KCTD5: variants seen among roughly 807,000 people sequenced by gnomAD.
KCTD5 encodes BTB/POZ domain-containing protein KCTD5.
In KCTD5, 12 loss-of-function variants were observed where a neutral mutation model predicts 27.9. That is an observed-to-expected ratio of 0.43 (90% confidence interval 0.28 to 0.70). KCTD5 has a LOEUF of 0.70. KCTD5 is among the 30% of genes least tolerant of loss of function. The pLI is 0.19. For synonymous variants in KCTD5, 147 were observed against 121.4 expected (o/e 1.21, Z -1.39); for missense variants, 226 against 274.8 (o/e 0.82, Z 1.26).
rs1364657313 is a variant in KCTD5, at chr16:2,682,782, C to T, written c.234C>T (p.Pro78=). The change falls in exon 1 of 6, where the codon CCC becomes CCT. Residue 78 remains proline, a synonymous_variant. Coordinates refer to ENST00000301738, the MANE Select transcript of KCTD5 (RefSeq NM_018992.4). ...TGTACCGCTTATGCCAGGCCGATCC[C>T]GACCTGGACTCAGACAAGGTGAGGG... ...SFLYRLCQAD[P]DLDSDKDETG... is the part of the protein sequence containing the mutation. The T allele has an allele frequency of 4.4e-6, 7 of 1,599,256 alleles. No homozygotes were observed. Among genetic ancestry groups the T allele is most frequent in the Non-Finnish European group, 6.0e-6 (7 of 1,174,114 alleles).
In KCTD5 at chr16:2,700,858, G is replaced by A. The variant is rs539644708; in HGVS notation, c.549+942G>A. On this transcript the variant is annotated intron_variant, in intron 4 of 5. Coordinates refer to ENST00000301738, the MANE Select transcript of KCTD5 (RefSeq NM_018992.4). ...CATTTGTGTCCCACCGTCCACCCTG[G>A]ACCCCTAGGCCGGGGGCCGGGGTGA... Among the ~76,000 whole-genome samples the A allele has an allele frequency of 1.8e-3, 269 of 151,814 alleles. 1 individual carries two copies. Among genetic ancestry groups the A allele is most frequent in the Middle Eastern group, 3.4e-3 (1 of 294 alleles).
chr16:2,705,269 G>A (rs1002034373), intron 5 of KCTD5, among the ~76,000 whole-genome samples: 13 of 152,154 alleles, frequency 8.5e-5, no homozygotes, highest in African/African-American at 3.1e-4. Context: ...GTCTGTCCCT[G>A]CCTGTAGTTG....
At chr16:2,697,195 A>T (rs575567272) in intron 2 of KCTD5, 14 of 152,524 alleles carry the variant, frequency 9.2e-5, no homozygotes, top group African/African-American at 3.4e-4. Flanking sequence ...TGTTGTCCTG[A>T]GCTGCCATGT....
intron 1 of KCTD5, among the ~76,000 whole-genome samples, chr16:2,686,836 C>T (rs1251565959): frequency 7.3e-5 from 11 of 151,034 alleles, no homozygotes; most frequent in Admixed American, 2.0e-4. Context: ...GCTAGAGTAC[C>T]GTCTTTGAAG....
rs2067644229 is a variant in KCTD5 at position 2,707,867 on chromosome 16, C to T, written c.*540C>T. 5.5e-6 allele frequency: 1 copy of T among 182,342 alleles called. No homozygotes were observed. The highest frequency in any genetic ancestry group is 1.1e-5 in the Non-Finnish European group (1 of 88,304). The allele number at this position is 182,342 out of a possible 1,614,324, so 11.3% of individuals were successfully genotyped here. A position where few individuals can be genotyped will look rare whatever the true frequency, so the allele number is the denominator to read the frequency against. ...GACAAAGGCGGCTTCTGCGTCGTCA[C>T]TGCTTCCCGGCGCCATTCCGAGGCC... is the stretch of plus-strand genomic sequence containing the variant. On this transcript the variant is annotated 3_prime_UTR_variant, in exon 6 of 6. Coordinates refer to ENST00000301738, the MANE Select transcript of KCTD5 (RefSeq NM_018992.4).
chr16:2,696,936 C>G (rs2335154), intron 2 of KCTD5, among the ~76,000 whole-genome samples: 1 of 152,226 alleles, frequency 6.6e-6, no homozygotes, highest in African/African-American at 2.4e-5. Flanking sequence ...CCGCTCGAGT[C>G]GAGGCTTCGC....
At chr16:2,696,985 C>T (rs1269038285) in intron 2 of KCTD5, among the ~76,000 whole-genome samples, 5 of 152,240 alleles carry the variant, frequency 3.3e-5, no homozygotes, top group South Asian at 4.1e-4. Context: ...GGCTCAGAAA[C>T]GGGCGCTAGA....
At chr16:2,684,681 CGTGAGCCTGGGAGGAGGAGCTTGCA>C (rs1324138619) in intron 1 of KCTD5, 8 of 151,766 alleles carry the variant, frequency 5.3e-5, no homozygotes, top group African/African-American at 1.9e-4. Context: ...AGGAGAATGG[CGTGAGCCTGGGAGGAGGAGCTTGCA>C]GTGAGCCTAG....
chr16:2,701,927 C>G (rs1284427896), intron 4 of KCTD5, among the ~76,000 whole-genome samples: 1 of 152,188 alleles, frequency 6.6e-6, no homozygotes. Context: ...TGGCCGAACT[C>G]CTGGACAGCA....
At chr16:2,685,149 G>A (rs2067535276) in intron 1 of KCTD5, among the ~76,000 whole-genome samples, 2 of 152,170 alleles carry the variant, frequency 1.3e-5, no homozygotes, top group South Asian at 4.1e-4. Context: ...GTAGGGGCCG[G>A]GCAAGGTGGC....
At position 2,707,559 on chromosome 16, in the gene KCTD5, T is replaced by C. The variant is rs1011239010; in HGVS notation, c.*232T>C. 7.8e-6 allele frequency: 5 copies of C among 637,948 alleles called. No homozygotes were observed. The highest frequency in any genetic ancestry group is 1.4e-5 in the Non-Finnish European group (5 of 354,820). The allele number at this position is 637,948 out of a possible 1,614,324, so 39.5% of individuals were successfully genotyped here. A position where few individuals can be genotyped will look rare whatever the true frequency, so the allele number is the denominator to read the frequency against. On this transcript the variant is annotated 3_prime_UTR_variant, in exon 6 of 6. Coordinates refer to ENST00000301738, the MANE Select transcript of KCTD5 (RefSeq NM_018992.4). ...ACGGCGGCCGGGTGGGCGCTGCCTCTTGGGGGGGCCTCGCTCTGTTTTTTC... is the reference window on the plus strand; with the variant it reads ...ACGGCGGCCGGGTGGGCGCTGCCTCCTGGGGGGGCCTCGCTCTGTTTTTTC...
At chr16:2,703,781 C>G (rs973213453) in intron 5 of KCTD5, among the ~76,000 whole-genome samples, 48 of 152,096 alleles carry the variant, frequency 3.2e-4, no homozygotes, top group Non-Finnish European at 2.9e-5. Flanking sequence ...GCAGTGTAGG[C>G]TGGGGCAGGC....
intron 2 of KCTD5, 84 bp from the exon 3 acceptor site, chr16:2,697,822 G>A (rs936945716): frequency 8.3e-6 from 8 of 962,842 alleles, no homozygotes; most frequent in African/African-American, 4.9e-5. Context: ...GCAGGGGCAG[G>A]GGCAAGGGCA....
chr16:2,687,549 G>A (rs1333667810), intron 1 of KCTD5, among the ~76,000 whole-genome samples: 2 of 152,220 alleles, frequency 1.3e-5, no homozygotes, highest in East Asian at 3.8e-4. Flanking sequence ...ATGCAGAGAT[G>A]CCCATTTGCT....
rs555446149 is a variant in KCTD5, at chr16:2,700,215, G to T, written c.549+299G>T. ...ATCTGGCACCTCTGTGTGAGGGAGGGGACTGGCGTCCCCAGAGCCTCCTGG... is the reference window on the plus strand; with the variant it reads ...ATCTGGCACCTCTGTGTGAGGGAGGTGACTGGCGTCCCCAGAGCCTCCTGG... On this transcript the variant is annotated intron_variant, in intron 4 of 5. Coordinates refer to ENST00000301738, the MANE Select transcript of KCTD5 (RefSeq NM_018992.4). Among the ~76,000 whole-genome samples, 6 of 152,242 alleles carry T rather than the reference G, an allele frequency of 3.9e-5. 1 individual carries two copies. In the South Asian group the frequency reaches 1.0e-3, roughly 26 times the overall value.
intron 2 of KCTD5, among the ~76,000 whole-genome samples, 197 bp downstream of exon 2, chr16:2,696,240 G>C (rs2067585723): frequency 6.6e-6 from 1 of 152,086 alleles, no homozygotes; most frequent in African/African-American, 2.4e-5. Context: ...GGGAGGCCTG[G>C]GGACCCTGTG....
chr16:2,688,224 A>ATATATATATAT (rs1567193086), intron 1 of KCTD5, among the ~76,000 whole-genome samples: 28 of 79,544 alleles, frequency 3.5e-4, no homozygotes, highest in African/African-American at 1.3e-3. Flanking sequence ...TAAATAAATA[A>ATATATATATAT]ATAAATATAT....
chr16:2,683,031 T>C, intron 1 of KCTD5: 1 of 507,320 alleles, frequency 2.0e-6, no homozygotes, highest in Non-Finnish European at 3.4e-6. Context: ...GGATCCTGAG[T>C]CGATTCACCT....
intron 1 of KCTD5, chr16:2,686,056 GC>G (rs1170246452): frequency 7.5e-6 from 1 of 133,020 alleles, no homozygotes; most frequent in Non-Finnish European, 1.6e-5. Context: ...GGTGGTGAAA[GC>G]CACGCACATC....
Sources: gnomAD v4.1 joint callset for allele counts (sites outside exome capture counted in the v4.1 genomes callset) on GRCh38, gnomAD v4.1.1 for gene constraint, MANE v1.5 for transcripts, NCBI Gene and HGNC (gene_info 2026-07-23, HGNC 2026-07-21) for gene names.